DLG2: variants seen among roughly 807,000 people sequenced by gnomAD.
The protein encoded by DLG2 is discs large MAGUK scaffold protein 2, also known as disks large homolog 2.
A neutral mutation model predicts 132.5 loss-of-function variants in DLG2; 45 were observed. The ratio of observed to expected loss-of-function variants is 0.34; its 90% CI spans 0.27 to 0.44. DLG2 has a LOEUF of 0.44. Ranked by LOEUF, DLG2 falls within the 20% of genes least tolerant of loss-of-function variation. The pLI is 1.00. For missense variants in DLG2, 1,045 were observed against 1,196.9 expected, an observed-to-expected ratio of 0.87 and a Z score of 1.87; for synonymous variants, 424 against 419.6, an observed-to-expected ratio of 1.01 and a Z score of -0.13.
intron 13 of DLG2, among the ~76,000 whole-genome samples, chr11:83,963,272 G>C (rs1417546900): frequency 6.6e-6 from 1 of 151,976 alleles, no homozygotes; most frequent in Non-Finnish European, 1.5e-5. Flanking sequence ...TTGGTGAAGA[G>C]AAGAACTGGA....
At chr11:85,225,172 T>C (rs1565182654) in intron 4 of DLG2, among the ~76,000 whole-genome samples, 1 of 152,060 alleles carries the variant, frequency 6.6e-6, no homozygotes, top group Non-Finnish European at 1.5e-5. Flanking sequence ...CATGGAATGA[T>C]GGAGTAAGAA....
intron 22 of DLG2, among the ~76,000 whole-genome samples, chr11:83,481,197 C>T (rs1424691160): frequency 2.6e-5 from 4 of 152,054 alleles, no homozygotes; most frequent in Non-Finnish European, 5.9e-5. Context: ...GACTTGCTTG[C>T]ACAGCAATAC....
intron 4 of DLG2, among the ~76,000 whole-genome samples, chr11:85,268,433 A>G (rs997004168): frequency 6.6e-6 from 1 of 152,098 alleles, no homozygotes; most frequent in African/African-American, 2.4e-5. Flanking sequence ...TCTTACATAT[A>G]TTGATTGATG....
chr11:84,007,417 A>G (rs1359339892), intron 11 of DLG2, among the ~76,000 whole-genome samples: 1 of 151,686 alleles, frequency 6.6e-6, no homozygotes, highest in Non-Finnish European at 1.5e-5. Context: ...TTTTATTGCA[A>G]CTAAATATCT....
chr11:84,160,455 T>C (rs1358107513), intron 9 of DLG2, among the ~76,000 whole-genome samples: 1 of 152,174 alleles, frequency 6.6e-6, no homozygotes, highest in Non-Finnish European at 1.5e-5. Context: ...TAAATGGATT[T>C]ATGACTATTG....
chr11:85,188,237 A>G (rs2080269044), intron 4 of DLG2, among the ~76,000 whole-genome samples: 1 of 152,210 alleles, frequency 6.6e-6, no homozygotes, highest in Non-Finnish European at 1.5e-5. Context: ...CTCTAACCAA[A>G]TATTGGCTGA....
At chr11:84,283,251 C>T (rs2097871599) in intron 7 of DLG2, among the ~76,000 whole-genome samples, 2 of 152,166 alleles carry the variant, frequency 1.3e-5, no homozygotes, top group Admixed American at 1.3e-4. Context: ...TCGTAATATA[C>T]AGATAGAGAA....
intron 17 of DLG2, among the ~76,000 whole-genome samples, chr11:83,823,339 G>C (rs1050670813): frequency 1.3e-5 from 2 of 152,076 alleles, no homozygotes; most frequent in African/African-American, 4.8e-5. Context: ...GGAAGTCCTT[G>C]CTACCCAAAT....
rs553134330 is a variant in DLG2, at chr11:84,717,855, CAAT to C, written c.358-183127_358-183125del. Among the ~76,000 whole-genome samples, 482 of 152,128 alleles carry C rather than the reference CAAT, an allele frequency of 3.2e-3. 2 individuals are homozygous for C. The highest frequency in any genetic ancestry group is 0.011 in the African/African-American group (441 of 41,552). On this transcript the variant is annotated intron_variant, in intron 6 of 27. Transcript: ENST00000376104. ...CATCTCATTTAACTGTTATTTCTCA[CAAT>C]GACATAGTAATATATACTGCAGTAG...
intron 21 of DLG2, among the ~76,000 whole-genome samples, chr11:83,509,813 C>G (rs1370086009): frequency 6.6e-6 from 1 of 151,964 alleles, no homozygotes; most frequent in Non-Finnish European, 1.5e-5. Context: ...GGAGAAAGTG[C>G]AAGCTGAAAG....
At chr11:85,460,204 G>A (rs2092561277) in intron 3 of DLG2, among the ~76,000 whole-genome samples, 1 of 152,164 alleles carries the variant, frequency 6.6e-6, no homozygotes, top group Admixed American at 6.5e-5. Context: ...ACTTTCCTGG[G>A]GGAATGAAGG....
chr11:84,751,401 T>G (rs990747459), intron 6 of DLG2, among the ~76,000 whole-genome samples: 1 of 152,080 alleles, frequency 6.6e-6, no homozygotes, highest in Admixed American at 6.6e-5. Context: ...GTGACAGTGA[T>G]TGGTATTATT....
chr11:83,638,176 C>A (rs981309956), intron 18 of DLG2, among the ~76,000 whole-genome samples: 3 of 152,046 alleles, frequency 2.0e-5, no homozygotes, highest in Non-Finnish European at 4.4e-5. Flanking sequence ...ATATGATAAC[C>A]CATTTTCTCC....
At position 84,717,516 on chromosome 11, in the gene DLG2, GCT is replaced by G. The variant is rs574303055; in HGVS notation, c.358-182787_358-182786del. On this transcript the variant is annotated intron_variant, in intron 6 of 27. Transcript: ENST00000376104. ...TTTCTAGTGTGGTCAATAAATATTT[GCT>G]GATCAAATGGAATAATAGTATAATT... 7.9e-3 allele frequency among the ~76,000 whole-genome samples: 1,197 copies of G among 151,972 alleles called. 12 individuals carry two copies. Among genetic ancestry groups the G allele is most frequent in the African/African-American group, 0.028 (1,144 of 41,504 alleles).
At chr11:84,794,056 G>C (rs1233128966) in intron 6 of DLG2, among the ~76,000 whole-genome samples, 3 of 151,984 alleles carry the variant, frequency 2.0e-5, no homozygotes, top group African/African-American at 7.3e-5. Context: ...GTGTGTTTAT[G>C]TATCTGTTGT....
chr11:84,371,376 C>G (rs2098705823), intron 7 of DLG2, among the ~76,000 whole-genome samples: 1 of 151,894 alleles, frequency 6.6e-6, no homozygotes, highest in East Asian at 1.9e-4. Context: ...CCACCTCAAC[C>G]TCCCAAGTAG....
intron 18 of DLG2, among the ~76,000 whole-genome samples, chr11:83,657,041 C>T (rs2072709128): frequency 6.6e-6 from 1 of 152,204 alleles, no homozygotes; most frequent in Admixed American, 6.5e-5. Context: ...CTCCTCTAGT[C>T]AACATTCCAT....
At chr11:83,603,775 G>T (rs1431536087) in intron 19 of DLG2, among the ~76,000 whole-genome samples, 1 of 152,068 alleles carries the variant, frequency 6.6e-6, no homozygotes, top group Non-Finnish European at 1.5e-5. Context: ...AGTAATTTGT[G>T]TTTTTTCCTC....
At chr11:84,651,095 A>G (rs2083309019) in intron 6 of DLG2, among the ~76,000 whole-genome samples, 2 of 149,794 alleles carry the variant, frequency 1.3e-5, no homozygotes, top group Non-Finnish European at 3.0e-5. Context: ...GACTTTGTTG[A>G]CTCCTTCATT....
Sources: allele counts gnomAD v4.1 joint callset (sites outside exome capture counted in the v4.1 genomes callset), GRCh38; gene constraint gnomAD v4.1.1; transcripts MANE v1.5; gene names NCBI Gene and HGNC (gene_info 2026-07-23, HGNC 2026-07-21).